Variants in MALRD1 observed in about 807,000 individuals in gnomAD.
MALRD1 encodes the protein MAM and LDL receptor class A domain containing 1.
Under a neutral mutation model 242.1 loss-of-function variants are expected in MALRD1, and 247 were observed. The observed-to-expected ratio is 1.02, with a 90% CI of 0.92 to 1.13. The LOEUF is 1.13. MALRD1 is among the 50% of genes most tolerant of loss of function. MALRD1 has a pLI of 0.00. For missense variants in MALRD1, 2,989 were observed against 2,533.1 expected, an observed-to-expected ratio of 1.18 and a Z score of -3.86; for synonymous variants, 995 against 866.6, an observed-to-expected ratio of 1.15 and a Z score of -2.60.
chr10:19,628,880 G>A (rs561387775), intron 36 of MALRD1, among the ~76,000 whole-genome samples: 3 of 152,250 alleles, frequency 2.0e-5, no homozygotes, highest in African/African-American at 4.8e-5. Flanking sequence ...GAATGTGCCC[G>A]TCCCTCAGTT....
intron 5 of MALRD1, among the ~76,000 whole-genome samples, chr10:19,107,787 T>C (rs1161053856): frequency 6.6e-6 from 1 of 152,124 alleles, no homozygotes; most frequent in Non-Finnish European, 1.5e-5. Context: ...ATTTCTCATT[T>C]GTTTATCTGC....
Position 19,203,869 on chromosome 10 carries a change from A to G in MALRD1, c.2093A>G (p.Asn698Ser). ...GCTCCACCTCGGGATCATAGTCTCA[A>G]CGCATCTCAAGGTAAGAAGCAAACA... ...HQAPPRDHSL[N>S]ASQGHFMFIL... The change falls in exon 15 of 40, where the codon AAC becomes AGC. Residue 698 changes from asparagine to serine, a missense_variant. Coordinates refer to ENST00000454679, the MANE Select transcript of MALRD1 (RefSeq NM_001142308.3). The G allele has an allele frequency of 6.4e-7, 1 of 1,550,498 alleles. No individual in the cohort carries two copies. The highest frequency in any genetic ancestry group is 8.7e-7 in the Non-Finnish European group (1 of 1,146,918).
intron 29 of MALRD1, among the ~76,000 whole-genome samples, chr10:19,485,176 AG>A (rs1837182665): frequency 6.6e-6 from 1 of 152,164 alleles, no homozygotes; most frequent in African/African-American, 2.4e-5. Context: ...AAACTCAGAA[AG>A]AGGGAGGCTG....
At chr10:19,111,862 C>G (rs888372315) in intron 5 of MALRD1, among the ~76,000 whole-genome samples, 15 of 152,134 alleles carry the variant, frequency 9.9e-5, no homozygotes, top group Admixed American at 8.5e-4. Context: ...GAGGAAAACA[C>G]AGCAGCATGA....
intron 33 of MALRD1, among the ~76,000 whole-genome samples, chr10:19,583,367 A>G (rs1265813504): frequency 1.3e-5 from 2 of 151,024 alleles, no homozygotes; most frequent in Non-Finnish European, 2.9e-5. Flanking sequence ...GGTTTGTCGT[A>G]GATAGCTCTT....
At chr10:19,196,073 C>T (rs902843223) in intron 14 of MALRD1, among the ~76,000 whole-genome samples, 4 of 152,098 alleles carry the variant, frequency 2.6e-5, no homozygotes, top group Admixed American at 1.3e-4. Flanking sequence ...CTCCTGTACC[C>T]GAAGTAAACT....
At chr10:19,612,092 C>G (rs1838926858) in intron 35 of MALRD1, among the ~76,000 whole-genome samples, 1 of 151,982 alleles carries the variant, frequency 6.6e-6, no homozygotes, top group South Asian at 2.1e-4. Flanking sequence ...CTCAGACACT[C>G]TTCTCATGTT....
intron 36 of MALRD1, among the ~76,000 whole-genome samples, chr10:19,667,403 C>G (rs895812461): frequency 9.2e-5 from 14 of 152,130 alleles, no homozygotes; most frequent in African/African-American, 3.1e-4. Context: ...TAACAAAATA[C>G]CACATGATAT....
intron 5 of MALRD1, among the ~76,000 whole-genome samples, chr10:19,115,397 C>A (rs888491221): frequency 4.0e-5 from 6 of 151,740 alleles, no homozygotes; most frequent in Non-Finnish European, 4.4e-5. Flanking sequence ...TATAACAAAC[C>A]CACATATGTA....
At chr10:19,287,135 A>G (rs533818337) in intron 21 of MALRD1, among the ~76,000 whole-genome samples, 1 of 152,264 alleles carries the variant, frequency 6.6e-6, no homozygotes, top group South Asian at 2.1e-4. Context: ...TAAAAGTGTC[A>G]AAGAGAATTG....
At chr10:19,317,373 A>G (rs574400378) in intron 21 of MALRD1, among the ~76,000 whole-genome samples, 2 of 152,032 alleles carry the variant, frequency 1.3e-5, no homozygotes, top group Non-Finnish European at 2.9e-5. Flanking sequence ...ACCACCTCCC[A>G]GTGGCCCCAC....
chr10:19,367,008 G>C (rs1293444525), intron 26 of MALRD1, among the ~76,000 whole-genome samples: 2 of 151,978 alleles, frequency 1.3e-5, no homozygotes, highest in Non-Finnish European at 2.9e-5. Flanking sequence ...CATCATAATT[G>C]TACTTATTTA....
At position 19,518,881 on chromosome 10, in the gene MALRD1, C is replaced by T. The variant is rs753406465; in HGVS notation, c.5321-12313C>T. On this transcript the variant is annotated intron_variant, in intron 31 of 39. Coordinates refer to ENST00000454679, the MANE Select transcript of MALRD1 (RefSeq NM_001142308.3). The stretch of plus-strand genomic sequence containing the variant: ...TGAAAATTATGACCATCAGCACTGC[C>T]AGTGCAACACTAGTCATAAAGTTGA... Among the ~76,000 whole-genome samples the T allele has an allele frequency of 2.0e-5, 3 of 152,140 alleles. No individual in the cohort carries two copies. In the East Asian group the frequency reaches 5.8e-4, roughly 29 times the overall value.
At chr10:19,592,491 G>A (rs1402575542) in intron 33 of MALRD1, among the ~76,000 whole-genome samples, 4 of 152,154 alleles carry the variant, frequency 2.6e-5, no homozygotes, top group Non-Finnish European at 4.4e-5. Flanking sequence ...CTGTCATCTG[G>A]CAACCTCCCA....
intron 27 of MALRD1, chr10:19,389,201 G>A (rs182168971): frequency 8.5e-5 from 49 of 576,298 alleles, no homozygotes; most frequent in Non-Finnish European, 1.4e-4. Context: ...TTGATGCGAC[G>A]GCATAAATAT....
rs2499084 is a variant in MALRD1, at chr10:19,231,099, T to C, written c.2991+21419T>C. ...ATTTATTCTCAGGAGATCTAATTAA[T>C]AACTTGTCAAGCTGATGTCCATCCT... On this transcript the variant is annotated intron_variant, in intron 18 of 39. Transcript: ENST00000454679. Among the ~76,000 whole-genome samples, 381 of 152,244 alleles carry C rather than the reference T, an allele frequency of 2.5e-3. 10 individuals carry two copies. Among genetic ancestry groups the C allele is most frequent in the Admixed American group, 0.023 (351 of 15,284 alleles).
intron 29 of MALRD1, among the ~76,000 whole-genome samples, chr10:19,485,369 C>A (rs536708746): frequency 3.2e-4 from 49 of 152,226 alleles, no homozygotes; most frequent in Non-Finnish European, 5.6e-4. Context: ...GAAGGCCGGG[C>A]ACGGTGGCTC....
intron 21 of MALRD1, among the ~76,000 whole-genome samples, chr10:19,310,141 A>G (rs1842368242): frequency 6.6e-6 from 1 of 151,484 alleles, no homozygotes; most frequent in South Asian, 2.1e-4. Flanking sequence ...TTACTGAGTA[A>G]AGGTCCTCAC....
At chr10:19,486,566 T>C (rs549519635) in intron 29 of MALRD1, among the ~76,000 whole-genome samples, 24 of 152,288 alleles carry the variant, frequency 1.6e-4, no homozygotes, top group Middle Eastern at 3.4e-3. Context: ...CTAAATACCA[T>C]GGTCTTCAAA....
Sources: allele counts gnomAD v4.1 joint callset (sites outside exome capture counted in the v4.1 genomes callset), GRCh38; gene constraint gnomAD v4.1.1; transcripts MANE v1.5; gene names NCBI Gene and HGNC (gene_info 2026-07-23, HGNC 2026-07-21).